WARS2: variants seen among roughly 807,000 people sequenced by gnomAD.
WARS2 encodes the protein tryptophanyl tRNA synthetase 2, mitochondrial, also known as tryptophan--tRNA ligase, mitochondrial.
In WARS2, 28 loss-of-function variants were observed where a neutral mutation model predicts 36.5. The observed-to-expected ratio is 0.77, with a 90% confidence interval of 0.57 to 1.05. The LOEUF (loss-of-function observed/expected upper bound fraction) is 1.05, where lower values mean the gene tolerates loss of function less well. Ranked by LOEUF, WARS2 falls within the 50% of genes least tolerant of loss-of-function variation. The pLI is 0.00. For missense variants in WARS2, 435 were observed against 456.8 expected, an observed-to-expected ratio of 0.95 and a Z score of 0.44; for synonymous variants, 174 against 178.4, an observed-to-expected ratio of 0.98 and a Z score of 0.20.
intron 1 of WARS2, chr1:119,139,638 T>G (rs1656793405): frequency 6.6e-6 from 1 of 152,216 alleles, no homozygotes; most frequent in Admixed American, 6.5e-5. Context: ...ACAGTTACAA[T>G]AGGTGCGACA....
At chr1:119,042,401 C>T in intron 3 of WARS2, 52 bp from the exon 4 acceptor site, 2 of 1,523,216 alleles carry the variant, frequency 1.3e-6, no homozygotes, top group Non-Finnish European at 1.8e-6. Flanking sequence ...CTGACTTGAA[C>T]CTAATTATAC....
chr1:119,072,744 G>A (rs753253887), intron 2 of WARS2, among the ~76,000 whole-genome samples: 9 of 152,112 alleles, frequency 5.9e-5, no homozygotes, highest in Admixed American at 2.0e-4. Context: ...ATTGTTAGGC[G>A]TCATTACAGT....
At chr1:119,131,529 C>G (rs1656106916) in intron 1 of WARS2, among the ~76,000 whole-genome samples, 1 of 143,782 alleles carries the variant, frequency 7.0e-6, no homozygotes, top group Non-Finnish European at 1.5e-5. Flanking sequence ...GTGGCGCGAT[C>G]TCGGCTCACT....
chr1:119,072,769 A>C (rs1651424257), intron 2 of WARS2, among the ~76,000 whole-genome samples: 1 of 152,214 alleles, frequency 6.6e-6, no homozygotes, highest in African/African-American at 2.4e-5. Context: ...TGGTTATGTA[A>C]GAAAATTTCC....
At chr1:119,068,249 G>A (rs901618158) in intron 2 of WARS2, among the ~76,000 whole-genome samples, 1 of 152,174 alleles carries the variant, frequency 6.6e-6, no homozygotes, top group African/African-American at 2.4e-5. Flanking sequence ...TAAATTACCA[G>A]AATAATGGAA....
chr1:119,063,874 G>A (rs1158796329), intron 2 of WARS2: 1 of 152,226 alleles, frequency 6.6e-6, no homozygotes, highest in African/African-American at 2.4e-5. Context: ...TGCTAGGGTA[G>A]TGTGGAAAGG....
intron 2 of WARS2, among the ~76,000 whole-genome samples, chr1:119,048,891 C>T (rs1045143595): frequency 6.6e-6 from 1 of 151,998 alleles, no homozygotes; most frequent in African/African-American, 2.4e-5. Context: ...TGGCGAAACC[C>T]GTCTCTACTA....
Position 119,042,319 on chromosome 1 carries a change from T to C in WARS2, c.460A>G (p.Thr154Ala). 6.2e-7 allele frequency: 1 copy of C among 1,613,866 alleles called. No individual in the cohort carries two copies. The highest frequency in any genetic ancestry group is 8.5e-7 in the Non-Finnish European group (1 of 1,179,908). Residue 154 changes from threonine to alanine, a missense_variant, in exon 4 of 6, where the codon ACG becomes GCG. Transcript: ENST00000235521. ...ACTGGGTATGTGAGCAGGCCCACCG[T>C]GCCATCGTGCTTCTGCTTGGTAGTC... ...AKTTKQKHDG[T>A]VGLLTYPVLQ...
At chr1:119,122,147 A>G (rs587715824) in intron 1 of WARS2, among the ~76,000 whole-genome samples, 139 of 152,350 alleles carry the variant, frequency 9.1e-4, no homozygotes, top group African/African-American at 3.3e-3. Flanking sequence ...TATATACCTG[A>G]CAAAGGACTA....
chr1:119,079,642 G>T (rs796495120), intron 1 of WARS2, among the ~76,000 whole-genome samples: 11 of 152,224 alleles, frequency 7.2e-5, no homozygotes, highest in African/African-American at 2.6e-4. Flanking sequence ...GAGTGCCAAG[G>T]TTACTTAAAT....
intron 1 of WARS2, among the ~76,000 whole-genome samples, chr1:119,087,079 CTTTT>C (rs948797777): frequency 2.0e-5 from 3 of 152,170 alleles, no homozygotes; most frequent in Admixed American, 1.3e-4. Context: ...ACCAATGTCT[CTTTT>C]TCTCTCTCTC....
At chr1:119,078,881 C>T (rs992463618) in intron 1 of WARS2, among the ~76,000 whole-genome samples, 2 of 151,554 alleles carry the variant, frequency 1.3e-5, no homozygotes, top group African/African-American at 2.4e-5. Flanking sequence ...CAATACCCTG[C>T]AGTTATGAAG....
intron 1 of WARS2, among the ~76,000 whole-genome samples, chr1:119,136,501 G>T (rs1656518951): frequency 6.6e-6 from 1 of 152,148 alleles, no homozygotes; most frequent in African/African-American, 2.4e-5. Context: ...CTTTAGAGTG[G>T]ATCCACGCAA....
At chr1:119,117,967 T>C (rs1655084736) in intron 1 of WARS2, among the ~76,000 whole-genome samples, 2 of 152,122 alleles carry the variant, frequency 1.3e-5, no homozygotes, top group South Asian at 4.1e-4. Flanking sequence ...TGAAACAGTC[T>C]ACCCAAATGA....
intron 1 of WARS2, among the ~76,000 whole-genome samples, chr1:119,102,912 C>T (rs4659146): frequency 0.37 from 56,530 of 152,066 alleles, 11,427 homozygotes; most frequent in East Asian, 0.8. Context: ...TCCCCTCTCA[C>T]TTTCATGAAG....
At chr1:119,115,161 A>T (rs2101516447) in intron 1 of WARS2, among the ~76,000 whole-genome samples, 1 of 152,252 alleles carries the variant, frequency 6.6e-6, no homozygotes, top group South Asian at 2.1e-4. Context: ...GGACTTGGGG[A>T]TGGGATGAAA....
intron 1 of WARS2, among the ~76,000 whole-genome samples, chr1:119,093,794 C>T (rs937335418): frequency 2.6e-5 from 4 of 152,176 alleles, no homozygotes; most frequent in Non-Finnish European, 4.4e-5. Flanking sequence ...TAATAGCACA[C>T]TTGACTAATG....
At chr1:119,073,747 T>G (rs1441817600) in intron 2 of WARS2, among the ~76,000 whole-genome samples, 2 of 152,176 alleles carry the variant, frequency 1.3e-5, no homozygotes, top group Non-Finnish European at 2.9e-5. Flanking sequence ...GTGGGTTACT[T>G]CTTCAATTGC....
intron 1 of WARS2, among the ~76,000 whole-genome samples, chr1:119,100,884 C>CA (rs1168178708): frequency 2.4e-4 from 36 of 152,308 alleles, no homozygotes; most frequent in Non-Finnish European, 1.5e-5. Context: ...GTGATACTCC[C>CA]ACCTTGGCCT....
Sources: gnomAD v4.1 joint callset for allele counts (sites outside exome capture counted in the v4.1 genomes callset) on GRCh38, gnomAD v4.1.1 for gene constraint, MANE v1.5 for transcripts, NCBI Gene and HGNC (gene_info 2026-07-23, HGNC 2026-07-21) for gene names.